ATRNL1: variants seen among roughly 807,000 people sequenced by gnomAD.
ATRNL1 encodes the protein attractin-like protein 1.
A neutral mutation model predicts 182.7 loss-of-function variants in ATRNL1; 95 were observed. The ratio of observed to expected loss-of-function variants is 0.52; its 90% CI spans 0.44 to 0.62. ATRNL1 has a LOEUF of 0.62. Ranked by LOEUF, ATRNL1 falls within the 20% of genes least tolerant of loss-of-function variation. The pLI is 0.00. For missense variants in ATRNL1, 1,471 were observed against 1,679.5 expected, an observed-to-expected ratio of 0.88 and a Z score of 2.17; for synonymous variants, 576 against 568.3, an observed-to-expected ratio of 1.01 and a Z score of -0.19.
chr10:115,875,628 C>T (rs1555107045), intron 28 of ATRNL1, among the ~76,000 whole-genome samples: 2 of 152,172 alleles, frequency 1.3e-5, no homozygotes. Context: ...GTACCTACTT[C>T]CGTGCTGAAA....
At chr10:115,439,069 C>G (rs1554965219) in intron 21 of ATRNL1, among the ~76,000 whole-genome samples, 3 of 151,414 alleles carry the variant, frequency 2.0e-5, no homozygotes, top group Non-Finnish European at 4.4e-5. Flanking sequence ...GTAAAGTAAG[C>G]TAGAGAAAAG....
intron 19 of ATRNL1, among the ~76,000 whole-genome samples, chr10:115,367,520 G>C (rs1554946381): frequency 6.6e-6 from 1 of 151,874 alleles, no homozygotes; most frequent in Non-Finnish European, 1.5e-5. Flanking sequence ...CTCTCAGCTC[G>C]TCAAAGTCAT....
chr10:115,900,591 A>G, intron 28 of ATRNL1, among the ~76,000 whole-genome samples: 1 of 152,224 alleles, frequency 6.6e-6, no homozygotes, highest in East Asian at 1.9e-4. Flanking sequence ...TTTCACAACA[A>G]CCCCATGAGA....
chr10:115,946,195 A>G lies in ATRNL1; in HGVS notation c.*1416A>G, dbSNP rs1953872841. The G allele has an allele frequency of 6.6e-6, 1 of 152,226 alleles. No individual in the cohort carries two copies. The highest frequency in any genetic ancestry group is 6.5e-5 in the Admixed American group (1 of 15,278). 9.4% of individuals were successfully genotyped at this position (152,226 alleles called of 1,614,324 possible). A position where few individuals can be genotyped will look rare whatever the true frequency, so the allele number is the denominator to read the frequency against. ...GGTCCTTTAAATACAATTGATGTTT[A>G]GTACTATATATGTACTTTTCACATT... On this transcript the variant is annotated 3_prime_UTR_variant, in exon 29 of 29. Transcript: ENST00000355044.
chr10:115,458,636 A>G (rs1554969165), intron 21 of ATRNL1, among the ~76,000 whole-genome samples: 2 of 152,130 alleles, frequency 1.3e-5, no homozygotes, highest in African/African-American at 4.8e-5. Context: ...TGGAGTCCAT[A>G]TAGACAGAAA....
intron 9 of ATRNL1, among the ~76,000 whole-genome samples, chr10:115,240,249 T>C (rs1850360037): frequency 6.6e-6 from 1 of 151,776 alleles, no homozygotes; most frequent in Admixed American, 6.6e-5. Flanking sequence ...CTTCATACTT[T>C]TTTCCTTTTT....
chr10:115,175,832 A>G (rs574224972), intron 8 of ATRNL1, among the ~76,000 whole-genome samples: 49 of 152,222 alleles, frequency 3.2e-4, no homozygotes, highest in Non-Finnish European at 5.4e-4. Flanking sequence ...AAGAGTACAA[A>G]ATGATGGGTA....
intron 26 of ATRNL1, among the ~76,000 whole-genome samples, chr10:115,616,927 T>C (rs1360848097): frequency 6.6e-6 from 1 of 152,184 alleles, no homozygotes; most frequent in Non-Finnish European, 1.5e-5. Context: ...AGCGGATATG[T>C]CAGGTTGGAG....
At chr10:115,125,653 G>T (rs1359073410) in intron 3 of ATRNL1, among the ~76,000 whole-genome samples, 2 of 152,216 alleles carry the variant, frequency 1.3e-5, no homozygotes, top group South Asian at 4.1e-4. Flanking sequence ...TCCAAACTCA[G>T]ATACTGAGGT....
chr10:115,565,889 C>T (rs182847025), intron 26 of ATRNL1, among the ~76,000 whole-genome samples: 59 of 152,120 alleles, frequency 3.9e-4, no homozygotes, highest in African/African-American at 1.2e-3. Context: ...TTTCCATAGA[C>T]GTACAGGTTA....
intron 27 of ATRNL1, among the ~76,000 whole-genome samples, chr10:115,780,262 A>C (rs1474946578): frequency 6.6e-6 from 1 of 152,208 alleles, no homozygotes; most frequent in East Asian, 1.9e-4. Flanking sequence ...GGGAGCATTT[A>C]GACCAGCCCT....
chr10:115,367,031 C>T (rs1403156706), intron 19 of ATRNL1, among the ~76,000 whole-genome samples: 10 of 124,130 alleles, frequency 8.1e-5, no homozygotes, highest in East Asian at 2.1e-4. Context: ...ATCTTTGTGG[C>T]GTTCTCTGTA....
intron 26 of ATRNL1, among the ~76,000 whole-genome samples, chr10:115,595,285 G>C (rs1273929613): frequency 1.3e-5 from 2 of 151,798 alleles, no homozygotes; most frequent in Non-Finnish European, 2.9e-5. Context: ...GCTTTAAAAG[G>C]GGTCAAGTGT....
At chr10:115,894,679 C>CT (rs1194995687) in intron 28 of ATRNL1, among the ~76,000 whole-genome samples, 16 of 152,142 alleles carry the variant, frequency 1.1e-4, no homozygotes, top group African/African-American at 2.9e-4. Flanking sequence ...CGCGGGGTGT[C>CT]TGTTATGCTA....
intron 19 of ATRNL1, among the ~76,000 whole-genome samples, chr10:115,363,524 T>G (rs1413863396): frequency 2.7e-4 from 40 of 146,452 alleles, no homozygotes; most frequent in African/African-American, 7.2e-4. Context: ...TTAGTTTAAT[T>G]AGATCCCATT....
At chr10:115,556,066 T>C (rs1175156540) in intron 26 of ATRNL1, among the ~76,000 whole-genome samples, 1 of 151,982 alleles carries the variant, frequency 6.6e-6, no homozygotes, top group African/African-American at 2.4e-5. Context: ...TAGCCTGAGT[T>C]TGAACAAGTT....
chr10:115,531,870 A>G (rs1443502836), intron 25 of ATRNL1, among the ~76,000 whole-genome samples: 2 of 144,516 alleles, frequency 1.4e-5, no homozygotes, highest in African/African-American at 4.9e-5. Context: ...TCCCAGCACC[A>G]TTTATTAAAT....
rs782249375 is a variant in ATRNL1, at chr10:115,171,083, A to G, written c.1139A>G (p.Asn380Ser). Residue 380 changes from asparagine (N) to serine (S), a missense_variant, in exon 8 of 29, where the codon AAT becomes AGT. Asn to Ser is a conservative substitution (Grantham distance 46). This residue lies in a region of ATRNL1 where 1,031 missense variants were observed against 1,156.0 expected (regional missense o/e 0.89). Transcript: ENST00000355044. ...GGCAGAATTGAAACAAATGATGGCA[A>G]TGTCACAGATGAATTATGGGTTTTT... ...YGGRIETNDG[N>S]VTDELWVFNI... is the part of the protein sequence containing the mutation. 12 of 1,587,516 alleles carry G rather than the reference A, an allele frequency of 7.6e-6. No homozygotes were observed. The highest frequency in any genetic ancestry group is 2.7e-5 in the African/African-American group (2 of 74,526).
At chr10:115,334,482 G>T in intron 19 of ATRNL1, 63 bp downstream of exon 19, 1 of 1,321,936 alleles carries the variant, frequency 7.6e-7, no homozygotes. Flanking sequence ...TAAGAAAGCA[G>T]CGCCTGTTGT....
Sources: gnomAD v4.1 joint callset for allele counts (sites outside exome capture counted in the v4.1 genomes callset) on GRCh38, gnomAD v4.1.1 for gene constraint, gnomAD v4.1.1 regional missense constraint, MANE v1.5 for transcripts, NCBI Gene and HGNC (gene_info 2026-07-23, HGNC 2026-07-21) for gene names.